Variants in ALG6 observed in about 807,000 individuals in gnomAD.
The protein encoded by ALG6 is dolichyl pyrophosphate Man9GlcNAc2 alpha-1,3-glucosyltransferase.
In ALG6, 46 loss-of-function variants were observed where a neutral mutation model predicts 66.6. The observed-to-expected ratio is 0.69, with a 90% CI of 0.55 to 0.88. The LOEUF (loss-of-function observed/expected upper bound fraction) is 0.88, where lower values mean the gene tolerates loss of function less well. Among genes scored for constraint, ALG6 ranks in the 40% least tolerant of loss-of-function variants. ALG6 has a pLI of 0.00. For missense variants in ALG6, 505 were observed against 586.8 expected (o/e 0.86, Z 1.44); for synonymous variants, 185 against 203.7 (o/e 0.91, Z 0.78).
At chr1:63,416,050 G>T in intron 11 of ALG6, 93 bp downstream of exon 11, 1 of 930,776 alleles carries the variant, frequency 1.1e-6, no homozygotes, top group Non-Finnish European at 1.7e-6. Flanking sequence ...ATTGGGTTGG[G>T]AAACAAGACA....
At position 63,422,165 on chromosome 1, in the gene ALG6, A is replaced by G. The variant is rs1644579158; in HGVS notation, c.1058+2725A>G. Among the ~76,000 whole-genome samples the G allele has an allele frequency of 1.8e-4, 20 of 112,900 alleles. 1 individual carries two copies. The highest frequency in any genetic ancestry group is 8.0e-4 in the Admixed American group (7 of 8,804). The allele number at this position is 112,900 out of a possible 152,430, so 74.1% of individuals were successfully genotyped here. A position where few individuals can be genotyped will look rare whatever the true frequency, so the allele number is the denominator to read the frequency against. ...TATATATAAATATAAATATATATAT[A>G]ACTATGAATTTATATTTATATAAAT... On this transcript the variant is annotated intron_variant, in intron 12 of 14. Coordinates refer to ENST00000263440, the MANE Select transcript of ALG6 (RefSeq NM_013339.4).
Position 63,388,107 on chromosome 1 carries a change from C to T in ALG6, c.83-8406C>T, listed in dbSNP as rs554765530. Among the ~76,000 whole-genome samples, 5 of 151,018 alleles carry T rather than the reference C, an allele frequency of 3.3e-5. No homozygotes were observed. In the South Asian group the frequency reaches 6.3e-4, roughly 19 times the overall value. On this transcript the variant is annotated intron_variant, in intron 2 of 14. Coordinates refer to ENST00000263440, the MANE Select transcript of ALG6 (RefSeq NM_013339.4). ...ATTTTTTTTGTATTTTTAGTAGAGA[C>T]GAGTTTTCACCATGTTGGCCACGCT...
chr1:63,383,653 C>T (rs1389664517), intron 2 of ALG6, among the ~76,000 whole-genome samples: 1 of 152,138 alleles, frequency 6.6e-6, no homozygotes, highest in African/African-American at 2.4e-5. Context: ...TTCATTACCT[C>T]AAGCATTTAT....
At position 63,433,973 on chromosome 1, in the gene ALG6, T is replaced by G. The variant is rs142262390; in HGVS notation, c.1327-2850T>G. On this transcript the variant is annotated intron_variant, in intron 14 of 14. Coordinates refer to ENST00000263440, the MANE Select transcript of ALG6 (RefSeq NM_013339.4). The surrounding 1 kb of genome is among the most constrained non-coding windows in gnomAD (Gnocchi z 4.2). ...AGAACCAAAGGAAGTAAACTGCAGA[T>G]AATTGAGGGTAGAACATCCTAGAAG... Among the ~76,000 whole-genome samples, 16 of 152,144 alleles carry G rather than the reference T, an allele frequency of 1.1e-4. No homozygotes were observed. The highest frequency in any genetic ancestry group is 1.5e-5 in the Non-Finnish European group (1 of 68,016).
In ALG6 at chr1:63,433,177, G is replaced by T. The variant is rs1443228007; in HGVS notation, c.1327-3646G>T. Among the ~76,000 whole-genome samples, 1 of 152,008 alleles carries T rather than the reference G, an allele frequency of 6.6e-6. No individual in the cohort carries two copies. The highest frequency in any genetic ancestry group is 1.5e-5 in the Non-Finnish European group (1 of 67,996). On this transcript the variant is annotated intron_variant, in intron 14 of 14. Transcript: ENST00000263440. This position sits in a 1 kb window ranked among gnomAD's most constrained non-coding sequence, Gnocchi z 4.2. ...AGGCTGGTCTCGAACTCCTGACCTC[G>T]TGATCCACCCGCCTCAGCCTCCCAA...
intron 8 of ALG6, 88 bp from the exon 9 acceptor site, chr1:63,411,838 C>A: frequency 6.5e-7 from 1 of 1,534,308 alleles, no homozygotes; most frequent in Non-Finnish European, 9.0e-7. Context: ...TATACATGTG[C>A]ATGTATTATG....
chr1:63,413,498 A>G (rs1286713004), intron 9 of ALG6, among the ~76,000 whole-genome samples: 2 of 152,210 alleles, frequency 1.3e-5, no homozygotes, highest in African/African-American at 4.8e-5. Flanking sequence ...TTAAGTCTGC[A>G]CAGCTGTAAG....
At chr1:63,383,627 T>C (rs1348521802) in intron 2 of ALG6, among the ~76,000 whole-genome samples, 3 of 152,172 alleles carry the variant, frequency 2.0e-5, no homozygotes, top group Middle Eastern at 3.2e-3. Flanking sequence ...ATAATCACAT[T>C]AGGGTAAATG....
chr1:63,435,835 C>T (rs1644675903), intron 14 of ALG6, among the ~76,000 whole-genome samples: 1 of 152,114 alleles, frequency 6.6e-6, no homozygotes. Context: ...GGAGTGCAGA[C>T]AAAACATTTT....
chr1:63,376,436 G>C (rs1648130525), intron 2 of ALG6, among the ~76,000 whole-genome samples: 1 of 152,122 alleles, frequency 6.6e-6, no homozygotes, highest in African/African-American at 2.4e-5. Flanking sequence ...CCTTGGGGTT[G>C]TTCTTTTTTA....
chr1:63,371,824 C>G (rs1397175537), intron 2 of ALG6, among the ~76,000 whole-genome samples: 1 of 151,974 alleles, frequency 6.6e-6, no homozygotes. Flanking sequence ...AGGCTGGTGT[C>G]GAACTCCTGA....
chr1:63,401,751 T>C (rs1195724455), intron 3 of ALG6, among the ~76,000 whole-genome samples: 1 of 152,102 alleles, frequency 6.6e-6, no homozygotes, highest in Non-Finnish European at 1.5e-5. Context: ...ATTCTTATGA[T>C]TGAGAAAATA....
intron 2 of ALG6, among the ~76,000 whole-genome samples, chr1:63,375,707 T>C (rs1648101765): frequency 6.6e-6 from 1 of 152,182 alleles, no homozygotes; most frequent in Admixed American, 6.5e-5. Flanking sequence ...AGATACTTGG[T>C]AGAACTTGAT....
At position 63,433,668 on chromosome 1, in the gene ALG6, TG is replaced by T. The variant is rs1644660513; in HGVS notation, c.1327-3152del. On this transcript the variant is annotated intron_variant, in intron 14 of 14. Coordinates refer to ENST00000263440, the MANE Select transcript of ALG6 (RefSeq NM_013339.4). The surrounding 1 kb of genome is among the most constrained non-coding windows in gnomAD (Gnocchi z 4.2). ...AGTAATCTTAAGGTGAGGACCGCTA[TG>T]GGCTCCCAGATTTATTTGTTCTTTA... Among the ~76,000 whole-genome samples the T allele has an allele frequency of 6.6e-6, 1 of 152,224 alleles. No individual in the cohort carries two copies. The highest frequency in any genetic ancestry group is 1.5e-5 in the Non-Finnish European group (1 of 68,044).
intron 2 of ALG6, among the ~76,000 whole-genome samples, chr1:63,379,429 A>G (rs751382750): frequency 2.6e-5 from 4 of 152,158 alleles, no homozygotes; most frequent in Non-Finnish European, 5.9e-5. Context: ...CAAGGCCGAG[A>G]TGAGTACTAT....
At chr1:63,388,065 C>T (rs1029388623) in intron 2 of ALG6, among the ~76,000 whole-genome samples, 1 of 152,102 alleles carries the variant, frequency 6.6e-6, no homozygotes, top group Non-Finnish European at 1.5e-5. Flanking sequence ...TACAGGTGCA[C>T]GCCACCATGC....
chr1:63,388,689 A>G (rs1325748526), intron 2 of ALG6, among the ~76,000 whole-genome samples: 2 of 152,078 alleles, frequency 1.3e-5, no homozygotes, highest in Non-Finnish European at 2.9e-5. Context: ...ATGATTTCTT[A>G]TTGCTTATTA....
Position 63,370,841 on chromosome 1 carries a change from T to C in ALG6, c.-137T>C. The C allele has an allele frequency of 1.4e-6, 1 of 712,344 alleles. No homozygotes were observed. The allele number at this position is 712,344 out of a possible 1,614,324, so 44.1% of individuals were successfully genotyped here. ...AAGCATCATTAAAATTCTCTCAAAC[T>C]CCTAATTGCGAAGAATCGATAACAT... On this transcript the variant is annotated 5_prime_UTR_variant, in exon 2 of 15. Transcript: ENST00000263440.
chr1:63,422,678 G>T (rs1016524174), intron 12 of ALG6, among the ~76,000 whole-genome samples: 1 of 151,402 alleles, frequency 6.6e-6, no homozygotes, highest in Non-Finnish European at 1.5e-5. Flanking sequence ...AAAATGGGCC[G>T]GGCACAGTGG....
Sources: allele counts gnomAD v4.1 joint callset (sites outside exome capture counted in the v4.1 genomes callset), GRCh38; gene constraint gnomAD v4.1.1; non-coding constraint Gnocchi (gnomAD v3.1); transcripts MANE v1.5; gene names NCBI Gene and HGNC (gene_info 2026-07-23, HGNC 2026-07-21).